The following ITGAM variants were observed in gnomAD, a reference collection of about 807,000 sequenced individuals.
ITGAM encodes integrin alpha-M.
ITGAM carries 79 observed loss-of-function variants against 137.5 expected under a neutral mutation model. The observed-to-expected ratio is 0.57, with a 90% CI of 0.48 to 0.69. The LOEUF is 0.69. Among genes scored for constraint, ITGAM ranks in the 30% least tolerant of loss-of-function variants. ITGAM has a pLI of 0.00. For synonymous variants in ITGAM, 583 were observed against 592.3 expected (o/e 0.98, Z 0.23); for missense variants, 1,343 against 1,483.5 (o/e 0.91, Z 1.56).
chr16:31,291,109 G>A (rs1476948907), intron 12 of ITGAM, among the ~76,000 whole-genome samples: 4 of 152,086 alleles, frequency 2.6e-5, no homozygotes, highest in African/African-American at 7.2e-5. Flanking sequence ...TCATGGATTC[G>A]AATATTATAG....
At chr16:31,276,836 A>G in intron 10 of ITGAM, 84 bp from the exon 11 acceptor site, 5 of 1,585,370 alleles carry the variant, frequency 3.2e-6, no homozygotes, top group South Asian at 2.3e-5. Context: ...CTTCTCTGTG[A>G]TAGATACTTG....
chr16:31,270,059 G>A (rs1439548543), intron 5 of ITGAM, among the ~76,000 whole-genome samples: 1 of 149,734 alleles, frequency 6.7e-6, no homozygotes, highest in African/African-American at 2.5e-5. Flanking sequence ...ATATGTGTGT[G>A]CCCTTCCCTT....
intron 12 of ITGAM, among the ~76,000 whole-genome samples, chr16:31,295,518 T>C (rs2080124483): frequency 6.6e-6 from 1 of 151,794 alleles, no homozygotes; most frequent in South Asian, 2.1e-4. Context: ...AGAAGCACTA[T>C]TGATTTTTCA....
Position 31,277,999 on chromosome 16 carries a change from G to T in ITGAM, c.1246G>T (p.Val416Leu). The change falls in exon 12 of 30, where the codon GTG (valine) becomes TTG (leucine). Residue 416 changes from valine to leucine, a missense_variant. Transcript: ENST00000544665. ...TGCCGCCATCATCTTACGGAACCGG[G>T]TGCAAAGCCTGGTTCTGGGGGCACC... is the stretch of plus-strand genomic sequence containing the variant. ...YAAAIILRNR[V>L]QSLVLGAPRY... The T allele has an allele frequency of 2.5e-6, 4 of 1,603,478 alleles. No individual in the cohort carries two copies. Among genetic ancestry groups the T allele is most frequent in the Non-Finnish European group, 2.6e-6 (3 of 1,175,108 alleles).
At chr16:31,260,234 A>C in intron 1 of ITGAM, 142 bp downstream of exon 1, 1 of 662,078 alleles carries the variant, frequency 1.5e-6, no homozygotes, top group Non-Finnish European at 2.6e-6. Flanking sequence ...GTTCAAGAAG[A>C]AGCAGGGAGA....
At chr16:31,329,041 G>T in intron 23 of ITGAM, 187 bp from the exon 24 acceptor site, 1 of 648,654 alleles carries the variant, frequency 1.5e-6, no homozygotes, top group South Asian at 1.7e-5. Context: ...TGGCCCAAAT[G>T]GGCACGCACT....
chr16:31,287,001 G>A (rs754844664), intron 12 of ITGAM, among the ~76,000 whole-genome samples: 4 of 152,050 alleles, frequency 2.6e-5, no homozygotes, highest in Non-Finnish European at 4.4e-5. Flanking sequence ...TTTAATCCAT[G>A]TGATTTAAGT....
chr16:31,298,001 A>T (rs749811238), intron 14 of ITGAM, 47 bp downstream of exon 14: 3 of 1,478,834 alleles, frequency 2.0e-6, no homozygotes, highest in Non-Finnish European at 2.8e-6. Context: ...CTCTTTGTTG[A>T]TCTTTCTCCT....
intron 28 of ITGAM, among the ~76,000 whole-genome samples, chr16:31,330,938 T>A (rs1567284340): frequency 6.9e-6 from 1 of 144,204 alleles, no homozygotes; most frequent in Non-Finnish European, 1.5e-5. Context: ...CAGTGAGCCA[T>A]GGAGATAGAG....
At chr16:31,303,858 ATTGGTCGACGGGTACCACAGT>A (rs1303236233) in intron 14 of ITGAM, among the ~76,000 whole-genome samples, 1 of 152,078 alleles carries the variant, frequency 6.6e-6, no homozygotes, top group Non-Finnish European at 1.5e-5. Flanking sequence ...AAATCCACTC[ATTGGTCGACGGGTACCACAGT>A]TTGGTTCCAT....
In ITGAM at chr16:31,277,952, G is replaced by C. The variant is rs369307270; in HGVS notation, c.1214-15G>C. 3 of 1,578,708 alleles carry C rather than the reference G, an allele frequency of 1.9e-6. No individual in the cohort carries two copies. In the African/African-American group the frequency reaches 4.1e-5, roughly 21 times the overall value. ...GGCAGGGAATGCACTTCACCTCTCA[G>C]ACCCCCACCTTCAGGTTATGCTGCC... On this transcript the variant is annotated splice_polypyrimidine_tract_variant and intron_variant, in intron 11 of 29. Coordinates refer to ENST00000544665, the MANE Select transcript of ITGAM (RefSeq NM_000632.4).
intron 14 of ITGAM, among the ~76,000 whole-genome samples, chr16:31,304,989 T>C (rs774915640): frequency 6.6e-6 from 1 of 152,156 alleles, no homozygotes; most frequent in African/African-American, 2.4e-5. Context: ...TTTATTCTAG[T>C]TATGTGAAAA....
At position 31,324,989 on chromosome 16, in the gene ITGAM, A is replaced by G; in HGVS notation, c.2321A>G (p.Asn774Ser). Reference sequence around the variant, plus strand: ...TTTGAGAAGAATTGTGGCAATGACAACATCTGCCAGGATGACCTCAGCATC... The same window carrying G: ...TTTGAGAAGAATTGTGGCAATGACAGCATCTGCCAGGATGACCTCAGCATC... ...FPFEKNCGND[N>S]ICQDDLSITF... The change falls in exon 19 of 30, where the codon AAC (asparagine) becomes AGC (serine). Residue 774 changes from asparagine to serine, a missense_variant. By Grantham distance (46) the Asn-to-Ser change is conservative (BLOSUM62 1). Transcript: ENST00000544665. This position sits in a 1 kb window ranked among gnomAD's most constrained non-coding sequence, Gnocchi z 4.5. 1 of 1,613,126 alleles carries G rather than the reference A, an allele frequency of 6.2e-7. No homozygotes were observed. Among genetic ancestry groups the G allele is most frequent in the Non-Finnish European group, 8.5e-7 (1 of 1,179,570 alleles).
At chr16:31,298,808 G>T (rs762107075) in intron 14 of ITGAM, among the ~76,000 whole-genome samples, 1 of 151,100 alleles carries the variant, frequency 6.6e-6, no homozygotes, top group African/African-American at 2.4e-5. Context: ...TTCAACAAGG[G>T]GTCCTACGTT....
At position 31,331,951 on chromosome 16, in the gene ITGAM, ATG is replaced by A. The variant is rs756391108; in HGVS notation, c.*247_*248del. Reference sequence around the variant, plus strand: ...CGCCCATGTGTGAGTGTGTGCAAGTATGTGAGTGTGTCCAAGTGTGTGTGCGT... The same window carrying A: ...CGCCCATGTGTGAGTGTGTGCAAGTATGAGTGTGTCCAAGTGTGTGTGCGT... On this transcript the variant is annotated 3_prime_UTR_variant, in exon 30 of 30. Transcript: ENST00000544665. The A allele has an allele frequency of 3.4e-5, 19 of 551,004 alleles. No individual in the cohort carries two copies. The highest frequency in any genetic ancestry group is 9.5e-5 in the East Asian group (3 of 31,704). The allele number at this position is 551,004 out of a possible 1,614,324, so 34.1% of individuals were successfully genotyped here.
chr16:31,286,588 T>G (rs1002184110), intron 12 of ITGAM, among the ~76,000 whole-genome samples: 38 of 152,344 alleles, frequency 2.5e-4, no homozygotes, highest in Admixed American at 2.4e-3. Flanking sequence ...TGCATTTCTC[T>G]GGTGATTAGT....
At chr16:31,281,126 TTTA>T (rs560121377) in intron 12 of ITGAM, among the ~76,000 whole-genome samples, 7 of 152,172 alleles carry the variant, frequency 4.6e-5, no homozygotes, top group Non-Finnish European at 8.8e-5. Context: ...TTGTCAGTAT[TTTA>T]TTGAGGATTT....
intron 25 of ITGAM, 57 bp downstream of exon 25, chr16:31,329,962 T>G: frequency 6.5e-7 from 1 of 1,532,444 alleles, no homozygotes; most frequent in South Asian, 1.2e-5. Flanking sequence ...TCACCTCTGT[T>G]AATGCTATTG....
intron 12 of ITGAM, among the ~76,000 whole-genome samples, chr16:31,296,859 A>C (rs1426278810): frequency 1.3e-5 from 2 of 152,238 alleles, no homozygotes; most frequent in Admixed American, 6.5e-5. Flanking sequence ...TGAATTCTAC[A>C]TATTGACCTT....
Sources: allele counts gnomAD v4.1 joint callset (sites outside exome capture counted in the v4.1 genomes callset), GRCh38; gene constraint gnomAD v4.1.1; non-coding constraint Gnocchi (gnomAD v3.1); transcripts MANE v1.5; gene names NCBI Gene and HGNC (gene_info 2026-07-23, HGNC 2026-07-21).